SDK2: variants seen among roughly 807,000 people sequenced by gnomAD.
SDK2 encodes the protein protein sidekick-2.
Under a neutral mutation model 253.9 loss-of-function variants are expected in SDK2, and 105 were observed. That is an observed-to-expected ratio of 0.41 (90% CI 0.35 to 0.49). The LOEUF (loss-of-function observed/expected upper bound fraction) is 0.49, where lower values mean the gene tolerates loss of function less well. Among genes scored for constraint, SDK2 ranks in the 20% least tolerant of loss-of-function variants. SDK2 has a pLI of 0.06. For missense variants in SDK2, 2,608 were observed against 3,003.0 expected (o/e 0.87, Z 3.07); for synonymous variants, 1,249 against 1,234.9 (o/e 1.01, Z -0.24).
chr17:73,380,113 C>T (rs954826825), intron 34 of SDK2, among the ~76,000 whole-genome samples: 1 of 152,170 alleles, frequency 6.6e-6, no homozygotes, highest in Non-Finnish European at 1.5e-5. Context: ...CGGGCGCAGT[C>T]ACTGTCCCCC....
chr17:73,592,756 C>A (rs892817329), intron 1 of SDK2, among the ~76,000 whole-genome samples: 1 of 152,180 alleles, frequency 6.6e-6, no homozygotes, highest in African/African-American at 2.4e-5. Context: ...TCCCCATTTC[C>A]GGAAGGAGGA....
At chr17:73,362,610 C>T (rs766688980) in intron 38 of SDK2, among the ~76,000 whole-genome samples, 5 of 151,772 alleles carry the variant, frequency 3.3e-5, no homozygotes, top group Admixed American at 6.6e-5. Flanking sequence ...AGGCTGGTCG[C>T]GAACTCCTGG....
intron 3 of SDK2, among the ~76,000 whole-genome samples, chr17:73,463,239 G>C (rs1231331167): frequency 6.6e-6 from 1 of 152,178 alleles, no homozygotes. Flanking sequence ...ATTCCCCCAA[G>C]AGCAAAGAAG....
rs374730545 is a variant in SDK2 at position 73,415,851 on chromosome 17, C to A, written c.2328G>T (p.Gly776=). 1.5e-5 allele frequency: 23 copies of A among 1,560,214 alleles called. No individual in the cohort carries two copies. The African/African-American group carries it at 2.2e-4, about 15-fold the overall frequency. ...EVAAYNSAGL[G]VYSSKVTEWT... ...ACTCGGTGACTTTACTGCTGTAGAC[C>A]CCCAGCCCAGCGCTGTTGTAAGCAG... The change falls in exon 17 of 45, where the codon GGG becomes GGT. Residue 776 remains glycine, a synonymous_variant. Coordinates refer to ENST00000392650, the MANE Select transcript of SDK2 (RefSeq NM_001144952.2).
Position 73,435,813 on chromosome 17 carries a change from GA to G in SDK2, c.1001-170del, listed in dbSNP as rs775738168. ...ACTTTGGGTCTAGGGAGAGGAGGAA[GA>G]TGCTCTTTGAGTGGTAATTCTCAAA... On this transcript the variant is annotated intron_variant, in intron 8 of 44. Coordinates refer to ENST00000392650, the MANE Select transcript of SDK2 (RefSeq NM_001144952.2). The surrounding 1 kb of genome is among the most constrained non-coding windows in gnomAD (Gnocchi z 5.7). Among the ~76,000 whole-genome samples, 4 of 152,222 alleles carry G rather than the reference GA, an allele frequency of 2.6e-5. No homozygotes were observed. The highest frequency in any genetic ancestry group is 5.9e-5 in the Non-Finnish European group (4 of 68,042).
chr17:73,437,179 C>T (rs187998428), intron 8 of SDK2, among the ~76,000 whole-genome samples: 152 of 152,288 alleles, frequency 1.0e-3, no homozygotes, highest in Non-Finnish European at 1.8e-3. Context: ...CCACTGTGCA[C>T]GCTCTTCTCT....
rs370137730 is a variant in SDK2, at chr17:73,387,884, A to G, written c.4346T>C (p.Leu1449Pro). The change falls in exon 30 of 45, where the codon CTG becomes CCG. Residue 1449 changes from leucine to proline, a missense_variant. Physicochemically the swap from Leu to Pro is moderately conservative, Grantham distance 98 (BLOSUM62 -3). Coordinates refer to ENST00000392650, the MANE Select transcript of SDK2 (RefSeq NM_001144952.2). The stretch of plus-strand genomic sequence containing the variant: ...ATTGTGGCTCACGGAGGCCGAGTGC[A>G]GTGCCCACCTGCCGCTGGGCAGCTC... The part of the protein sequence containing the change: ...TRELPSGRWA[L>P]HSASVSHNAS... 20 of 1,589,876 alleles carry G rather than the reference A, an allele frequency of 1.3e-5. No individual in the cohort carries two copies. The East Asian group carries it at 3.0e-4, about 24-fold the overall frequency.
intron 1 of SDK2, among the ~76,000 whole-genome samples, chr17:73,597,261 G>A (rs986119006): frequency 6.6e-6 from 1 of 152,144 alleles, no homozygotes; most frequent in Non-Finnish European, 1.5e-5. Context: ...GACACAAGAC[G>A]GGGAGCTGCC....
At chr17:73,362,819 T>C (rs1398634318) in intron 38 of SDK2, among the ~76,000 whole-genome samples, 1 of 152,234 alleles carries the variant, frequency 6.6e-6, no homozygotes, top group Non-Finnish European at 1.5e-5. Context: ...CAAATACTCC[T>C]GACTGCCAGC....
At chr17:73,405,510 ATATAT>A (rs2063068804) in intron 18 of SDK2, among the ~76,000 whole-genome samples, 1 of 63,250 alleles carries the variant, frequency 1.6e-5, no homozygotes, top group African/African-American at 6.0e-5. Flanking sequence ...ATATATATAT[ATATAT>A]ATAAAGATCG....
intron 1 of SDK2, among the ~76,000 whole-genome samples, chr17:73,585,070 C>T (rs2045586607): frequency 6.6e-6 from 1 of 152,174 alleles, no homozygotes; most frequent in South Asian, 2.1e-4. Context: ...GGGGCAGTGC[C>T]CAGCACACAC....
chr17:73,589,244 G>GT (rs2045648913), intron 1 of SDK2, among the ~76,000 whole-genome samples: 1 of 152,274 alleles, frequency 6.6e-6, no homozygotes, highest in Non-Finnish European at 1.5e-5. Context: ...ATGAATGCAC[G>GT]TGAGTGCAGG....
chr17:73,372,221 T>C (rs2062739750), intron 36 of SDK2, among the ~76,000 whole-genome samples: 1 of 152,058 alleles, frequency 6.6e-6, no homozygotes, highest in Non-Finnish European at 1.5e-5. Context: ...TGATTCACAG[T>C]GAGAGGGACT....
At chr17:73,504,785 G>A (rs1324767441) in intron 2 of SDK2, among the ~76,000 whole-genome samples, 2 of 152,160 alleles carry the variant, frequency 1.3e-5, no homozygotes, top group Non-Finnish European at 2.9e-5. Context: ...GACAAAGTCC[G>A]AGAAGAGGGA....
intron 1 of SDK2, among the ~76,000 whole-genome samples, chr17:73,537,229 T>C (rs1201725915): frequency 6.6e-6 from 1 of 152,148 alleles, no homozygotes; most frequent in Non-Finnish European, 1.5e-5. Context: ...AAATCAAAGT[T>C]GAAACTCAGC....
intron 16 of SDK2, among the ~76,000 whole-genome samples, chr17:73,416,892 CAG>C (rs1433591602): frequency 1.6e-4 from 25 of 152,026 alleles, no homozygotes; most frequent in Non-Finnish European, 3.1e-4. Flanking sequence ...CCCAGCTACA[CAG>C]AGTTTTAAAA....
At chr17:73,479,455 A>T (rs1012232156) in intron 2 of SDK2, among the ~76,000 whole-genome samples, 10 of 152,252 alleles carry the variant, frequency 6.6e-5, no homozygotes, top group Non-Finnish European at 5.9e-5. Context: ...GTGGCCGGCT[A>T]GAAAAAGACT....
chr17:73,477,883 A>C (rs117569898), intron 2 of SDK2, among the ~76,000 whole-genome samples: 1 of 152,166 alleles, frequency 6.6e-6, no homozygotes, highest in Non-Finnish European at 1.5e-5. Flanking sequence ...CTTAATCTCT[A>C]TTCAACGAGG....
intron 22 of SDK2, among the ~76,000 whole-genome samples, chr17:73,398,752 G>C (rs1390521891): frequency 1.3e-5 from 2 of 152,162 alleles, no homozygotes; most frequent in African/African-American, 4.8e-5. Context: ...AAGCAGCCCA[G>C]GTGATTCTCT....
Sources: gnomAD v4.1 joint callset for allele counts (sites outside exome capture counted in the v4.1 genomes callset) on GRCh38, gnomAD v4.1.1 for gene constraint, Gnocchi (gnomAD v3.1) non-coding constraint, MANE v1.5 for transcripts, NCBI Gene and HGNC (gene_info 2026-07-23, HGNC 2026-07-21) for gene names.